The following NR5A2 variants were observed in gnomAD, a reference collection of about 807,000 sequenced individuals.
The protein encoded by NR5A2 is nuclear receptor subfamily 5 group A member 2, also known as CYP7A promoter-binding factor.
A neutral mutation model predicts 62.7 loss-of-function variants in NR5A2; 26 were observed. The observed-to-expected ratio is 0.41, with a 90% CI of 0.30 to 0.58. NR5A2 has a LOEUF of 0.58. Among genes scored for constraint, NR5A2 ranks in the 20% least tolerant of loss-of-function variants. NR5A2 has a pLI of 0.22. For synonymous variants in NR5A2, 246 were observed against 241.7 expected (o/e 1.02, Z -0.16); for missense variants, 541 against 669.1 (o/e 0.81, Z 2.11).
intron 7 of NR5A2, among the ~76,000 whole-genome samples, chr1:200,160,448 A>G (rs1468293467): frequency 1.3e-5 from 2 of 152,222 alleles, no homozygotes; most frequent in African/African-American, 4.8e-5. Context: ...AAACATGTCG[A>G]GCACTACCAA....
intron 5 of NR5A2, among the ~76,000 whole-genome samples, chr1:200,083,792 C>A (rs1323006051): frequency 1.3e-5 from 2 of 151,792 alleles, no homozygotes; most frequent in Non-Finnish European, 2.9e-5. Flanking sequence ...CATGGAGAAA[C>A]CCCGTCTCTA....
At chr1:200,058,673 T>C (rs1448295092) in intron 5 of NR5A2, among the ~76,000 whole-genome samples, 1 of 148,190 alleles carries the variant, frequency 6.7e-6, no homozygotes, top group African/African-American at 2.5e-5. Flanking sequence ...GAGGCGGGGT[T>C]TCACCACGTT....
intron 5 of NR5A2, among the ~76,000 whole-genome samples, chr1:200,095,841 C>T (rs1007574996): frequency 6.6e-5 from 10 of 152,046 alleles, no homozygotes; most frequent in South Asian, 2.1e-4. Context: ...TGTGAGCCCC[C>T]GCGCCCGGCC....
intron 7 of NR5A2, among the ~76,000 whole-genome samples, chr1:200,122,725 T>C (rs1666533211): frequency 6.6e-6 from 1 of 152,166 alleles, no homozygotes; most frequent in Admixed American, 6.5e-5. Context: ...AGTACACCAG[T>C]GAATAGCTGG....
At chr1:200,164,899 G>A (rs1349539630) in intron 7 of NR5A2, among the ~76,000 whole-genome samples, 8 of 117,830 alleles carry the variant, frequency 6.8e-5, no homozygotes, top group Non-Finnish European at 1.0e-4. Flanking sequence ...TTTTTTAGAC[G>A]GAGTCTTACT....
At chr1:200,079,663 C>T (rs1664200540) in intron 5 of NR5A2, among the ~76,000 whole-genome samples, 1 of 152,180 alleles carries the variant, frequency 6.6e-6, no homozygotes, top group Non-Finnish European at 1.5e-5. Flanking sequence ...GTGAGTTTTC[C>T]TTGGGCCTGC....
chr1:200,098,543 G>A (rs1665208724), intron 5 of NR5A2, among the ~76,000 whole-genome samples: 1 of 152,158 alleles, frequency 6.6e-6, no homozygotes, highest in Non-Finnish European at 1.5e-5. Flanking sequence ...AAGAGCACTG[G>A]GCTTGGATTC....
intron 5 of NR5A2, among the ~76,000 whole-genome samples, chr1:200,108,689 G>A (rs1665807125): frequency 6.6e-6 from 1 of 152,124 alleles, no homozygotes; most frequent in African/African-American, 2.4e-5. Flanking sequence ...TCACATCACA[G>A]AACAACATAA....
At chr1:200,160,362 A>G (rs1571574723) in intron 7 of NR5A2, among the ~76,000 whole-genome samples, 1 of 152,246 alleles carries the variant, frequency 6.6e-6, no homozygotes, top group African/African-American at 2.4e-5. Flanking sequence ...CACCTTGTCC[A>G]CTAAATGCAC....
intron 7 of NR5A2, among the ~76,000 whole-genome samples, chr1:200,145,676 G>T (rs1485819222): frequency 6.6e-6 from 1 of 152,096 alleles, no homozygotes; most frequent in Non-Finnish European, 1.5e-5. Context: ...GTCCAGGCTG[G>T]AGTGCAGTGG....
chr1:200,119,621 G>C (rs1187809017), intron 6 of NR5A2, among the ~76,000 whole-genome samples: 1 of 151,994 alleles, frequency 6.6e-6, no homozygotes, highest in African/African-American at 2.4e-5. Context: ...TCTAAGATTG[G>C]TGCCTAGCAA....
At chr1:200,108,160 C>T (rs1665781541) in intron 5 of NR5A2, among the ~76,000 whole-genome samples, 1 of 151,596 alleles carries the variant, frequency 6.6e-6, no homozygotes, top group Non-Finnish European at 1.5e-5. Context: ...GTGGCACAGT[C>T]ATGTCTTACT....
At chr1:200,085,550 C>G (rs552180119) in intron 5 of NR5A2, among the ~76,000 whole-genome samples, 4 of 151,534 alleles carry the variant, frequency 2.6e-5, no homozygotes, top group Admixed American at 1.3e-4. Context: ...GTATAACTTA[C>G]GTGGTTATCT....
intron 5 of NR5A2, among the ~76,000 whole-genome samples, chr1:200,081,355 C>T (rs533576673): frequency 3.5e-4 from 53 of 152,344 alleles, no homozygotes; most frequent in African/African-American, 1.2e-3. Flanking sequence ...TATTTCCCTT[C>T]CTCTGTGGTA....
At chr1:200,165,176 C>G (rs1653840851) in intron 7 of NR5A2, among the ~76,000 whole-genome samples, 1 of 152,042 alleles carries the variant, frequency 6.6e-6, no homozygotes, top group Non-Finnish European at 1.5e-5. Context: ...CGTGCCCAGC[C>G]CTGGAGTAGT....
intron 1 of NR5A2, chr1:200,029,206 C>A: frequency 7.6e-6 from 2 of 263,084 alleles, no homozygotes; most frequent in Non-Finnish European, 7.4e-6. Context: ...GGGCCGGAGA[C>A]GCGGACTGCG....
rs557174500 is a variant in NR5A2, at chr1:200,132,829, T to C, written c.1378+11874T>C. Among the ~76,000 whole-genome samples the C allele has an allele frequency of 1.0e-3, 152 of 152,276 alleles. 1 individual carries two copies. Among genetic ancestry groups the C allele is most frequent in the African/African-American group, 3.5e-3 (147 of 41,568 alleles). ...CCAGGAGCCTTAGCAAGGGGCACTG[T>C]CCCTAACACCCACATCCCAAGTTAC... On this transcript the variant is annotated intron_variant, in intron 7 of 7. Coordinates refer to ENST00000367362, the MANE Select transcript of NR5A2 (RefSeq NM_205860.3).
chr1:200,172,137 AAT>A (rs1411847713), intron 7 of NR5A2, among the ~76,000 whole-genome samples: 1 of 152,132 alleles, frequency 6.6e-6, no homozygotes, highest in Non-Finnish European at 1.5e-5. Context: ...TCAAATTTTT[AAT>A]AGTCATGTTT....
chr1:200,056,922 A>G (rs1293816383), intron 5 of NR5A2, among the ~76,000 whole-genome samples: 1 of 152,126 alleles, frequency 6.6e-6, no homozygotes, highest in African/African-American at 2.4e-5. Flanking sequence ...GCTACCGCAT[A>G]CCTGACTGCC....
Sources: allele counts gnomAD v4.1 joint callset (sites outside exome capture counted in the v4.1 genomes callset), GRCh38; gene constraint gnomAD v4.1.1; transcripts MANE v1.5; gene names NCBI Gene and HGNC (gene_info 2026-07-23, HGNC 2026-07-21).